The following RTCB variants were observed in gnomAD, a reference collection of about 807,000 sequenced individuals.
RTCB encodes RNA-splicing ligase RTCB.
In RTCB, 32 loss-of-function variants were observed where a neutral mutation model predicts 58.2. The ratio of observed to expected loss-of-function variants is 0.55; its 90% confidence interval spans 0.41 to 0.74. The LOEUF (loss-of-function observed/expected upper bound fraction) is 0.74. Ranked by LOEUF, RTCB falls within the 30% of genes least tolerant of loss-of-function variation. The probability of loss-of-function intolerance (pLI) is 0.00; values close to 1 mark genes in which losing one functional copy is unlikely to be tolerated. For synonymous variants in RTCB, 247 were observed against 218.6 expected (o/e 1.13, Z -1.15); for missense variants, 523 against 639.0 (o/e 0.82, Z 1.96).
chr22:32,407,093 CTT>C (rs1277066184), intron 3 of RTCB, among the ~76,000 whole-genome samples: 1 of 152,184 alleles, frequency 6.6e-6, no homozygotes, highest in Non-Finnish European at 1.5e-5. Context: ...CACTGACAAA[CTT>C]TGGTTTGTCA....
At chr22:32,402,313 T>C (rs1024918723) in intron 4 of RTCB, among the ~76,000 whole-genome samples, 4 of 152,256 alleles carry the variant, frequency 2.6e-5, no homozygotes, top group Non-Finnish European at 5.9e-5. Context: ...TTTCTACTTT[T>C]TTAGGGTATA....
At chr22:32,389,118 G>A (rs1469140335) in intron 11 of RTCB, among the ~76,000 whole-genome samples, 8 of 151,884 alleles carry the variant, frequency 5.3e-5, no homozygotes, top group Admixed American at 6.6e-5. Context: ...TCATTACATC[G>A]TACCACAAAC....
Position 32,398,037 on chromosome 22 carries a change from C to T in RTCB, c.718G>A (p.Glu240Lys), listed in dbSNP as rs1157261739. ...EIQVVDEIFN[E>K]YAAKKMGIDH... ...ATGCCCATTTTTTTAGCAGCATACT[C>T]ATTGAAAATCTCATCCACAACCTGG... The change falls in exon 7 of 12, where the codon GAG becomes AAG. Residue 240 changes from glutamate (E) to lysine (K), a missense_variant. Coordinates refer to ENST00000216038, the MANE Select transcript of RTCB (RefSeq NM_014306.5). 4 of 1,614,036 alleles carry T rather than the reference C, an allele frequency of 2.5e-6. No homozygotes were observed. Among genetic ancestry groups the T allele is most frequent in the Admixed American group, 1.7e-5 (1 of 60,000 alleles).
chr22:32,412,214 A>G lies in RTCB; in HGVS notation c.-58T>C. The G allele has an allele frequency of 7.0e-7, 1 of 1,435,936 alleles. No homozygotes were observed. 88.9% of individuals were successfully genotyped at this position (1,435,936 alleles called of 1,614,324 possible). ...CCGCTTTGAAGAGCCGCTGCCGCGT[A>G]GTCCGGCTTCTCAGAGCACCGCCTT... On this transcript the variant is annotated 5_prime_UTR_variant, in exon 1 of 12. Transcript: ENST00000216038.
At chr22:32,388,526 T>A (rs963536594) in intron 11 of RTCB, among the ~76,000 whole-genome samples, 1 of 152,204 alleles carries the variant, frequency 6.6e-6, no homozygotes, top group Non-Finnish European at 1.5e-5. Flanking sequence ...GGAATGAACA[T>A]GTAGTACCTT....
intron 3 of RTCB, 46 bp from the exon 4 acceptor site, chr22:32,406,807 C>T: frequency 1.5e-6 from 2 of 1,301,034 alleles, no homozygotes; most frequent in Non-Finnish European, 2.2e-6. Flanking sequence ...TGACCTGCTA[C>T]CCTGGATGCC....
chr22:32,412,043 C>T (rs1933536506), intron 1 of RTCB, 21 bp downstream of exon 1: 1 of 1,585,746 alleles, frequency 6.3e-7, no homozygotes, highest in South Asian at 1.1e-5. Flanking sequence ...GAAGGCCCCG[C>T]CATTTGCTCT....
intron 7 of RTCB, 123 bp from the exon 8 acceptor site, chr22:32,396,372 T>C: frequency 6.2e-6 from 6 of 964,044 alleles, no homozygotes; most frequent in Non-Finnish European, 9.3e-6. Context: ...GAAAGCCAAC[T>C]TTCCCTTTAA....
At position 32,412,160 on chromosome 22, in the gene RTCB, G is replaced by T; in HGVS notation, c.-4C>A. 6.3e-7 allele frequency: 1 copy of T among 1,587,494 alleles called. No individual in the cohort carries two copies. Among genetic ancestry groups the T allele is most frequent in the Non-Finnish European group, 8.6e-7 (1 of 1,168,846 alleles). ...CATCATTATAGCTGCGACTCATGGT[G>T]GCGAAAACTGTAGCAAAAACTCCCG... is the stretch of plus-strand genomic sequence containing the variant. On this transcript the variant is annotated 5_prime_UTR_variant, in exon 1 of 12. Transcript: ENST00000216038.
chr22:32,398,095 C>T lies in RTCB; in HGVS notation c.660G>A (p.Gly220=). The change falls in exon 7 of 12, where the codon GGG becomes GGA. Residue 220 remains glycine, a synonymous_variant. Transcript: ENST00000216038. ...CATAATGGTTGCCTGCTCCCAGGGT[C>T]CCCAACTGCAAATGTAAAAATGTCT... ...RAKKRGLPQL[G]TLGAGNHYAE... is the part of the protein sequence containing the mutation. The T allele has an allele frequency of 6.2e-7, 1 of 1,611,806 alleles. No individual in the cohort carries two copies. The highest frequency in any genetic ancestry group is 8.5e-7 in the Non-Finnish European group (1 of 1,179,418).
In RTCB at chr22:32,396,212, G is replaced by C. The variant is rs1217844611; in HGVS notation, c.852C>G (p.Asp284Glu). 6.2e-7 allele frequency: 1 copy of C among 1,614,148 alleles called. No homozygotes were observed. The highest frequency in any genetic ancestry group is 8.5e-7 in the Non-Finnish European group (1 of 1,180,020). Reference sequence around the variant, plus strand: ...ACTGCCGATCATTGACTATAATCTTGTCTCTCTTCATGGCCTTCTCCATAG... The same window carrying C: ...ACTGCCGATCATTGACTATAATCTTCTCTCTCTTCATGGCCTTCTCCATAG... ...LVAMEKAMKR[D>E]KIIVNDRQLA... The change falls in exon 8 of 12, where the codon GAC (aspartate) becomes GAG (glutamate). Residue 284 changes from aspartate (D) to glutamate (E), a missense_variant. Physicochemically the swap from Asp to Glu is conservative, Grantham distance 45 (BLOSUM62 2). Coordinates refer to ENST00000216038, the MANE Select transcript of RTCB (RefSeq NM_014306.5).
intron 11 of RTCB, among the ~76,000 whole-genome samples, chr22:32,391,531 G>A (rs552916496): frequency 6.6e-6 from 1 of 151,776 alleles, no homozygotes; most frequent in African/African-American, 2.4e-5. Flanking sequence ...GAGTAGCTGC[G>A]ATTATGGGTG....
intron 4 of RTCB, among the ~76,000 whole-genome samples, chr22:32,403,581 C>T (rs1933373096): frequency 6.6e-6 from 1 of 152,036 alleles, no homozygotes; most frequent in Non-Finnish European, 1.5e-5. Context: ...ATGTCAAGTA[C>T]ACAATATTTT....
At chr22:32,389,863 A>G (rs1475983272) in intron 11 of RTCB, among the ~76,000 whole-genome samples, 2 of 152,212 alleles carry the variant, frequency 1.3e-5, no homozygotes, top group Admixed American at 6.5e-5. Flanking sequence ...AGTAAAAGCA[A>G]AAGTCCAAAT....
intron 9 of RTCB, 32 bp downstream of exon 9, chr22:32,394,994 C>G (rs9680823): frequency 0.074 from 115,609 of 1,565,746 alleles, 5,839 homozygotes; most frequent in African/African-American, 0.24. Flanking sequence ...CGTGCCCCCA[C>G]TGCTTAAAAC....
rs1341561566 is a variant in RTCB at position 32,394,876 on chromosome 22, G to C, written c.1179+150C>G. 2.0e-5 allele frequency: 14 copies of C among 688,156 alleles called. No individual in the cohort carries two copies. In the East Asian group the frequency reaches 3.0e-4, roughly 15 times the overall value. The allele number at this position is 688,156 out of a possible 1,614,324, so 42.6% of individuals were successfully genotyped here. Reference sequence around the variant, plus strand: ...ACAAATGATGGGGGAAGGAGTTACTGCTTCAGAGAAGATTGGGAATCACTG... The same window carrying C: ...ACAAATGATGGGGGAAGGAGTTACTCCTTCAGAGAAGATTGGGAATCACTG... On this transcript the variant is annotated intron_variant, in intron 9 of 11. Transcript: ENST00000216038.
intron 6 of RTCB, 72 bp from the exon 7 acceptor site, chr22:32,398,172 A>G (rs893743090): frequency 6.6e-7 from 1 of 1,515,720 alleles, no homozygotes; most frequent in Non-Finnish European, 9.0e-7. Flanking sequence ...AAAAACCAAA[A>G]AGATAAAAAC....
At chr22:32,399,457 T>TG in intron 6 of RTCB, 146 bp downstream of exon 6, 1 of 786,678 alleles carries the variant, frequency 1.3e-6, no homozygotes, top group Non-Finnish European at 2.0e-6. Flanking sequence ...AGAATAAAAA[T>TG]GAAGCATAAA....
intron 3 of RTCB, chr22:32,407,442 C>A (rs1933445804): frequency 6.6e-6 from 1 of 152,586 alleles, no homozygotes; most frequent in African/African-American, 2.4e-5. Flanking sequence ...GTGGTGGGGG[C>A]TATGCTGTCC....
Sources: gnomAD v4.1 joint callset for allele counts (sites outside exome capture counted in the v4.1 genomes callset) on GRCh38, gnomAD v4.1.1 for gene constraint, MANE v1.5 for transcripts, NCBI Gene and HGNC (gene_info 2026-07-23, HGNC 2026-07-21) for gene names.